Variants in INHBA observed in about 807,000 individuals in gnomAD.
The protein encoded by INHBA is inhibin beta A chain.
In INHBA, 1 loss-of-function variant was observed where a neutral mutation model predicts 29.0. That is an observed-to-expected ratio of 0.03 (90% CI 0.01 to 0.16). The LOEUF (loss-of-function observed/expected upper bound fraction) is 0.16, where lower values mean the gene tolerates loss of function less well. INHBA is among the 10% of genes least tolerant of loss of function. The probability of loss-of-function intolerance (pLI) is 1.00; values close to 1 mark genes in which losing one functional copy is unlikely to be tolerated. For missense variants in INHBA, 376 were observed against 545.4 expected, an observed-to-expected ratio of 0.69 and a Z score of 3.09; for synonymous variants, 242 against 216.8, an observed-to-expected ratio of 1.12 and a Z score of -1.02.
At position 41,689,617 on chromosome 7, in the gene INHBA, C is replaced by A. The variant is rs776889307; in HGVS notation, c.*33G>T. ...TTTTGCCACTGTCTTCTCTGGACAACTCTTGCTCCCTTTCCCCCTGGGCTG... is the reference window on the plus strand; with the variant it reads ...TTTTGCCACTGTCTTCTCTGGACAAATCTTGCTCCCTTTCCCCCTGGGCTG... On this transcript the variant is annotated 3_prime_UTR_variant, in exon 3 of 3. Coordinates refer to ENST00000242208, the MANE Select transcript of INHBA (RefSeq NM_002192.4). The A allele has an allele frequency of 4.0e-6, 6 of 1,503,308 alleles. No homozygotes were observed. Among genetic ancestry groups the A allele is most frequent in the Non-Finnish European group, 4.4e-6 (5 of 1,129,358 alleles). The allele number at this position is 1,503,308 out of a possible 1,614,324, so 93.1% of individuals were successfully genotyped here.
rs146325702 is a variant in INHBA at position 41,690,336 on chromosome 7, C to A, written c.595G>T (p.Gly199Trp). The change falls in exon 3 of 3, where the codon GGG (glycine) becomes TGG (tryptophan). Residue 199 changes from glycine (G) to tryptophan (W), a missense_variant. Gly to Trp is a radical substitution (Grantham distance 184). Around this residue, in one of 4 missense-constraint regions of INHBA, gnomAD observed 253 missense variants for 313.4 expected, o/e 0.81. Coordinates refer to ENST00000242208, the MANE Select transcript of INHBA (RefSeq NM_002192.4). ...GEEAEEVGLKGERSELLLSEK... is the reference protein window; with the variant it reads ...GEEAEEVGLKWERSELLLSEK... ...GAGAGCAACAGTTCACTCCTCTCCC[C>A]CTTTAAGCCCACTTCCTCGGCCTCT... The A allele has an allele frequency of 1.8e-5, 29 of 1,613,992 alleles. No individual in the cohort carries two copies. The highest frequency in any genetic ancestry group is 5.3e-5 in the African/African-American group (4 of 74,894).
rs977378965 is a variant in INHBA at position 41,687,193 on chromosome 7, T to C, written c.*2457A>G. 2.0e-5 allele frequency: 3 copies of C among 152,228 alleles called. No individual in the cohort carries two copies. Among genetic ancestry groups the C allele is most frequent in the Non-Finnish European group, 2.9e-5 (2 of 68,032 alleles). 9.4% of individuals were successfully genotyped at this position (152,228 alleles called of 1,614,324 possible). A position where few individuals can be genotyped will look rare whatever the true frequency, so the allele number is the denominator to read the frequency against. On this transcript the variant is annotated 3_prime_UTR_variant, in exon 3 of 3. Transcript: ENST00000242208. The stretch of plus-strand genomic sequence containing the variant: ...ATTGCCTACATATAGCCAAGTGTTA[T>C]AGTATACCAACTTAGTATATTTTTC...
upstream of INHBA, among the ~76,000 whole-genome samples, chr7:41,704,890 G>C (rs1311156660): frequency 6.6e-6 from 1 of 152,050 alleles, no homozygotes; most frequent in African/African-American, 2.4e-5. Flanking sequence ...GCAGCTCTCT[G>C]ACCAGAGGAG....
Position 41,690,148 on chromosome 7 carries a change from C to T in INHBA, c.783G>A (p.Lys261=). 6.2e-7 allele frequency: 1 copy of T among 1,613,634 alleles called. No individual in the cohort carries two copies. The highest frequency in any genetic ancestry group is 8.5e-7 in the Non-Finnish European group (1 of 1,179,996). The stretch of plus-strand genomic sequence containing the variant: ...TCCCTTCCCCCTCCTCTTCTTTCTT[C>T]TTCTTCTTGCCCAGGAGAACCAAGC... ...GASLVLLGKK[K]KKEEEGEGKK... Residue 261 remains lysine, a synonymous_variant, in exon 3 of 3, where the codon AAG becomes AAA. Coordinates refer to ENST00000242208, the MANE Select transcript of INHBA (RefSeq NM_002192.4).
At chr7:41,701,817 C>T (rs776233556) in intron 1 of INHBA, among the ~76,000 whole-genome samples, 1 of 152,158 alleles carries the variant, frequency 6.6e-6, no homozygotes, top group Non-Finnish European at 1.5e-5. Context: ...TTCAGCTTGC[C>T]CCAAGCCTGT....
At chr7:41,691,598 C>T (rs1327555372) in intron 2 of INHBA, 2 of 152,374 alleles carry the variant, frequency 1.3e-5, no homozygotes, top group Non-Finnish European at 2.9e-5. Context: ...TTCCTTCTGC[C>T]TTAAGTGCTC....
rs1473340789 is a variant in INHBA at position 41,688,842 on chromosome 7, A to C, written c.*808T>G. The C allele has an allele frequency of 1.8e-5, 4 of 221,390 alleles. No individual in the cohort carries two copies. Among genetic ancestry groups the C allele is most frequent in the African/African-American group, 6.7e-5 (3 of 44,704 alleles). 13.7% of individuals were successfully genotyped at this position (221,390 alleles called of 1,614,324 possible). A position where few individuals can be genotyped will look rare whatever the true frequency, so the allele number is the denominator to read the frequency against. On this transcript the variant is annotated 3_prime_UTR_variant, in exon 3 of 3. Coordinates refer to ENST00000242208, the MANE Select transcript of INHBA (RefSeq NM_002192.4). ...TAATCAGATTACTTCCAATACAAAA[A>C]AGTCTCTCTTTTTGTTCTCTCTCAG... is the stretch of plus-strand genomic sequence containing the variant.
In INHBA at chr7:41,699,902, A is replaced by G. The variant is rs1475064882; in HGVS notation, c.388+85T>C. 7 of 930,010 alleles carry G rather than the reference A, an allele frequency of 7.5e-6. No homozygotes were observed. The East Asian group carries it at 1.7e-4, about 23-fold the overall frequency. The allele number at this position is 930,010 out of a possible 1,614,324, so 57.6% of individuals were successfully genotyped here. A position where few individuals can be genotyped will look rare whatever the true frequency, so the allele number is the denominator to read the frequency against. On this transcript the variant is annotated intron_variant, in intron 2 of 2. Coordinates refer to ENST00000242208, the MANE Select transcript of INHBA (RefSeq NM_002192.4). ...GGCAGTTTCCAGCTGAAGGGAAAAG[A>G]AGTTCCTCCTGGGACTGTCAAAGAA... is the stretch of plus-strand genomic sequence containing the variant.
chr7:41,696,189 G>C (rs1283391915), intron 2 of INHBA, among the ~76,000 whole-genome samples: 2 of 152,160 alleles, frequency 1.3e-5, no homozygotes, highest in Non-Finnish European at 2.9e-5. Context: ...GGTGGAAACT[G>C]TTGATAAGGC....
intron 2 of INHBA, among the ~76,000 whole-genome samples, chr7:41,695,001 T>C (rs1415064834): frequency 1.3e-5 from 2 of 152,206 alleles, no homozygotes; most frequent in African/African-American, 4.8e-5. Context: ...AAGTCAATCA[T>C]GAAGGCATGG....
intron 2 of INHBA, among the ~76,000 whole-genome samples, chr7:41,692,748 G>A (rs1186239830): frequency 1.3e-5 from 2 of 152,304 alleles, no homozygotes; most frequent in Non-Finnish European, 2.9e-5. Flanking sequence ...TCTTATTTTA[G>A]GAAGCATGAT....
chr7:41,690,267 G>A lies in INHBA; in HGVS notation c.664C>T (p.Pro222Ser), dbSNP rs770655825. The change falls in exon 3 of 3, where the codon CCT (proline) becomes TCT (serine). Residue 222 changes from proline (P) to serine (S), a missense_variant. By Grantham distance (74) the Pro-to-Ser change is moderately conservative (BLOSUM62 -1). Transcript: ENST00000242208. ...DARKSTWHVF[P>S]VSSSIQRLLD... ...AACCGCTGGATGCTGCTGGAGACAGGGAAGACATGCCAGGTGCTCTTCCGA... is the reference window on the plus strand; with the variant it reads ...AACCGCTGGATGCTGCTGGAGACAGAGAAGACATGCCAGGTGCTCTTCCGA... 6.2e-7 allele frequency: 1 copy of A among 1,613,964 alleles called. No homozygotes were observed. Among genetic ancestry groups the A allele is most frequent in the South Asian group, 1.1e-5 (1 of 91,066 alleles).
chr7:41,695,834 A>G (rs1794634776), intron 2 of INHBA, among the ~76,000 whole-genome samples: 1 of 152,218 alleles, frequency 6.6e-6, no homozygotes, highest in Non-Finnish European at 1.5e-5. Flanking sequence ...GAGTACGAAG[A>G]ATTCAGAACT....
At chr7:41,702,759 G>A (rs1261452669) in intron 1 of INHBA, among the ~76,000 whole-genome samples, 2 of 152,190 alleles carry the variant, frequency 1.3e-5, no homozygotes, top group Admixed American at 1.3e-4. Context: ...GTTTGCGAAT[G>A]TAACTCTTAA....
intron 2 of INHBA, among the ~76,000 whole-genome samples, chr7:41,693,200 A>G (rs1317195789): frequency 6.6e-6 from 1 of 152,170 alleles, no homozygotes; most frequent in African/African-American, 2.4e-5. Context: ...TTTTTCTAGG[A>G]AAGAGTGTAA....
intron 2 of INHBA, among the ~76,000 whole-genome samples, chr7:41,698,815 G>A (rs1027423984): frequency 6.6e-6 from 1 of 152,218 alleles, no homozygotes; most frequent in African/African-American, 2.4e-5. Context: ...TGGAAATTCT[G>A]AGTGTTGCCT....
At chr7:41,703,715 A>G (rs975510198), upstream of INHBA, among the ~76,000 whole-genome samples, 1 of 151,956 alleles carries the variant, frequency 6.6e-6, no homozygotes, top group Non-Finnish European at 1.5e-5. Flanking sequence ...TCTTTAAATG[A>G]ACTTCATAAG....
rs934104501 is a variant in INHBA, at chr7:41,688,208, C to T, written c.*1442G>A. 2.6e-5 allele frequency: 4 copies of T among 152,164 alleles called. No individual in the cohort carries two copies. The highest frequency in any genetic ancestry group is 9.7e-5 in the African/African-American group (4 of 41,440). 9.4% of individuals were successfully genotyped at this position (152,164 alleles called of 1,614,324 possible). On this transcript the variant is annotated 3_prime_UTR_variant, in exon 3 of 3. Transcript: ENST00000242208. Reference sequence around the variant, plus strand: ...AAATGTGTATGGACATGGTACAATACATGTATATATACATACAGATATGCA... The same window carrying T: ...AAATGTGTATGGACATGGTACAATATATGTATATATACATACAGATATGCA...
chr7:41,705,281 T>A (rs1369425293), upstream of INHBA: 1 of 152,212 alleles, frequency 6.6e-6, no homozygotes, highest in Non-Finnish European at 1.5e-5. Flanking sequence ...CCTGCTACTG[T>A]ACCTTGAGCA....
Sources: gnomAD v4.1 joint callset for allele counts (sites outside exome capture counted in the v4.1 genomes callset) on GRCh38, gnomAD v4.1.1 for gene constraint, gnomAD v4.1.1 regional missense constraint, MANE v1.5 for transcripts, NCBI Gene and HGNC (gene_info 2026-07-23, HGNC 2026-07-21) for gene names.